Variants in CARMIL1 observed in about 807,000 individuals in gnomAD.
The protein encoded by CARMIL1 is F-actin-uncapping protein LRRC16A.
CARMIL1 carries 90 observed loss-of-function variants against 177.1 expected under a neutral mutation model. That is an observed-to-expected ratio of 0.51 (90% CI 0.43 to 0.61). CARMIL1 has a LOEUF of 0.61. CARMIL1 is among the 20% of genes least tolerant of loss of function. The pLI is 0.00. For synonymous variants in CARMIL1, 577 were observed against 606.2 expected (o/e 0.95, Z 0.71); for missense variants, 1,380 against 1,667.0 (o/e 0.83, Z 3.00).
chr6:25,359,432 C>T (rs1254965479), intron 2 of CARMIL1, among the ~76,000 whole-genome samples: 1 of 152,164 alleles, frequency 6.6e-6, no homozygotes, highest in African/African-American at 2.4e-5. Context: ...ACACTGGACC[C>T]AAGAGGGCAG....
intron 5 of CARMIL1, among the ~76,000 whole-genome samples, chr6:25,437,817 C>G (rs1317660679): frequency 6.6e-6 from 1 of 152,192 alleles, no homozygotes; most frequent in Non-Finnish European, 1.5e-5. Context: ...AAAATATTAT[C>G]TTAATATCTC....
intron 2 of CARMIL1, among the ~76,000 whole-genome samples, chr6:25,309,812 C>T (rs6914439): frequency 0.21 from 30,949 of 146,662 alleles, 4,207 homozygotes; most frequent in East Asian, 0.4. Context: ...CTCTGTTGCC[C>T]AGGCTAGAAT....
At chr6:25,502,708 G>A (rs563910067) in intron 17 of CARMIL1, among the ~76,000 whole-genome samples, 2 of 152,162 alleles carry the variant, frequency 1.3e-5, no homozygotes, top group East Asian at 3.8e-4. Context: ...ATAAAGCTGG[G>A]ATGGGCATAA....
intron 27 of CARMIL1, among the ~76,000 whole-genome samples, chr6:25,552,236 G>T (rs1050984434): frequency 1.3e-5 from 2 of 152,064 alleles, no homozygotes; most frequent in Admixed American, 6.6e-5. Flanking sequence ...CCTGTGGTTT[G>T]AGAATTTTTT....
chr6:25,462,277 TTATAA>T (rs754190821), intron 8 of CARMIL1, among the ~76,000 whole-genome samples: 91 of 152,330 alleles, frequency 6.0e-4, no homozygotes, highest in Non-Finnish European at 9.4e-4. Flanking sequence ...TTTCTTCTGC[TTATAA>T]TATGTGTCTC....
chr6:25,490,044 GT>G (rs1403431955), intron 13 of CARMIL1, among the ~76,000 whole-genome samples: 1 of 152,204 alleles, frequency 6.6e-6, no homozygotes, highest in Non-Finnish European at 1.5e-5. Flanking sequence ...GGTGGGTCCT[GT>G]TGTAGCTTGC....
chr6:25,473,906 T>G (rs1287418843), intron 11 of CARMIL1, among the ~76,000 whole-genome samples: 1 of 152,160 alleles, frequency 6.6e-6, no homozygotes, highest in Non-Finnish European at 1.5e-5. Context: ...TAAAAGTGTT[T>G]GCATGGGTAG....
At chr6:25,319,765 T>TTTTTTAC (rs1784546871) in intron 2 of CARMIL1, among the ~76,000 whole-genome samples, 1 of 14,528 alleles carries the variant, frequency 6.9e-5, no homozygotes, top group South Asian at 2.0e-3. Flanking sequence ...ATTTGGTCAC[T>TTTTTTAC]TTTTTTTTTT....
intron 24 of CARMIL1, among the ~76,000 whole-genome samples, chr6:25,532,326 A>T (rs1380304766): frequency 2.0e-5 from 3 of 152,178 alleles, no homozygotes; most frequent in Admixed American, 6.5e-5. Flanking sequence ...GCTTATTCTT[A>T]AAAGTACGTT....
chr6:25,349,916 A>G (rs1787942024), intron 2 of CARMIL1, among the ~76,000 whole-genome samples: 1 of 151,930 alleles, frequency 6.6e-6, no homozygotes, highest in Non-Finnish European at 1.5e-5. Flanking sequence ...TTTAGTAGAG[A>G]TGGGGTTTCA....
chr6:25,279,793 A>C lies in CARMIL1; in HGVS notation c.-3A>C. On this transcript the variant is annotated 5_prime_UTR_variant, in exon 1 of 37. Transcript: ENST00000329474. ...CAATAACCCCCACACCTACAGGGCA[A>C]CCATGACCGAGGAGAGCTCTGACGT... 1 of 1,613,876 alleles carries C rather than the reference A, an allele frequency of 6.2e-7. No individual in the cohort carries two copies. Among genetic ancestry groups the C allele is most frequent in the Non-Finnish European group, 8.5e-7 (1 of 1,179,784 alleles).
chr6:25,571,954 A>C (rs894952932), intron 29 of CARMIL1, among the ~76,000 whole-genome samples: 1 of 152,210 alleles, frequency 6.6e-6, no homozygotes, highest in African/African-American at 2.4e-5. Context: ...TGCATTCTCT[A>C]TTAAGATCCC....
chr6:25,472,937 C>T (rs142013509), intron 11 of CARMIL1, among the ~76,000 whole-genome samples: 2 of 152,234 alleles, frequency 1.3e-5, no homozygotes, highest in East Asian at 3.9e-4. Context: ...GTTGTGCTCT[C>T]ATCTGTAACC....
chr6:25,314,451 C>T lies in CARMIL1; in HGVS notation c.138+29542C>T, dbSNP rs138327342. Among the ~76,000 whole-genome samples the T allele has an allele frequency of 4.7e-3, 623 of 132,466 alleles. 5 individuals are homozygous for T. Among genetic ancestry groups the T allele is most frequent in the African/African-American group, 0.018 (570 of 32,084 alleles). The allele number at this position is 132,466 out of a possible 152,430, so 86.9% of individuals were successfully genotyped here. On this transcript the variant is annotated intron_variant, in intron 2 of 36. Coordinates refer to ENST00000329474, the MANE Select transcript of CARMIL1 (RefSeq NM_017640.6). ...TCACACCACTGCACTCCAGCCTGGG[C>T]GACAGAGCAAGATTCTGTCTCAAAA...
At chr6:25,361,593 G>A (rs1562034998) in intron 2 of CARMIL1, among the ~76,000 whole-genome samples, 1 of 152,082 alleles carries the variant, frequency 6.6e-6, no homozygotes, top group Non-Finnish European at 1.5e-5. Context: ...AGGAATTTCA[G>A]GATTTATAGT....
At chr6:25,451,610 C>T (rs182892132) in intron 8 of CARMIL1, among the ~76,000 whole-genome samples, 1 of 152,150 alleles carries the variant, frequency 6.6e-6, no homozygotes, top group East Asian at 1.9e-4. Context: ...TTCATTTTTC[C>T]CCATGTCTCT....
chr6:25,542,778 A>G (rs903226211), intron 26 of CARMIL1, among the ~76,000 whole-genome samples: 26 of 152,156 alleles, frequency 1.7e-4, no homozygotes, highest in Admixed American at 4.6e-4. Flanking sequence ...TGACAAGTGG[A>G]CAACCTTTTA....
intron 2 of CARMIL1, among the ~76,000 whole-genome samples, chr6:25,337,263 A>G (rs777687759): frequency 1.3e-5 from 2 of 152,202 alleles, no homozygotes; most frequent in African/African-American, 2.4e-5. Context: ...TCAAATGTTG[A>G]TGGTTGAGCT....
chr6:25,354,629 T>A (rs1221309773), intron 2 of CARMIL1, among the ~76,000 whole-genome samples: 2 of 152,064 alleles, frequency 1.3e-5, no homozygotes, highest in Non-Finnish European at 2.9e-5. Flanking sequence ...AAGATAAAAG[T>A]CAGCATGCTA....
Sources: gnomAD v4.1 joint callset for allele counts (sites outside exome capture counted in the v4.1 genomes callset) on GRCh38, gnomAD v4.1.1 for gene constraint, MANE v1.5 for transcripts, NCBI Gene and HGNC (gene_info 2026-07-23, HGNC 2026-07-21) for gene names.